The following ABCA4 variants were observed in gnomAD, a reference collection of about 807,000 sequenced individuals.
ABCA4 encodes the protein ATP binding cassette subfamily A member 4.
In ABCA4, 196 loss-of-function variants were observed where a neutral mutation model predicts 263.7. The observed-to-expected ratio is 0.74, with a 90% CI of 0.66 to 0.84. The LOEUF (loss-of-function observed/expected upper bound fraction) is 0.84. Among genes scored for constraint, ABCA4 ranks in the 40% least tolerant of loss-of-function variants. ABCA4 has a pLI of 0.00. For synonymous variants in ABCA4, 1,133 were observed against 1,094.2 expected (o/e 1.04, Z -0.70); for missense variants, 2,792 against 2,855.1 (o/e 0.98, Z 0.50).
Position 94,044,242 on chromosome 1 carries a change from TGCCTTTCAG to T in ABCA4, c.3050+362_3050+370del, listed in dbSNP as rs1056176825. The stretch of plus-strand genomic sequence containing the variant: ...TAACTGAAAAGCCCCCTGAAAAGTT[TGCCTTTCAG>T]GCCGTGGCTTCAACAGGAAAAAGGA... On this transcript the variant is annotated intron_variant, in intron 20 of 49. Coordinates refer to ENST00000370225, the MANE Select transcript of ABCA4 (RefSeq NM_000350.3). 1.4e-4 allele frequency among the ~76,000 whole-genome samples: 22 copies of T among 152,336 alleles called. No individual in the cohort carries two copies. The South Asian group carries it at 3.5e-3, about 24-fold the overall frequency.
intron 26 of ABCA4, among the ~76,000 whole-genome samples, chr1:94,034,364 G>GT (rs531251392): frequency 2.0e-5 from 3 of 151,808 alleles, no homozygotes; most frequent in African/African-American, 7.3e-5. Context: ...AGTTACTTTG[G>GT]TTTTTTTGTT....
At chr1:94,107,334 C>A (rs1889406) in intron 4 of ABCA4, among the ~76,000 whole-genome samples, 92,427 of 151,948 alleles carry the variant, frequency 0.61, 28,301 homozygotes, top group East Asian at 0.71. Context: ...CGCTCCACAC[C>A]CAAAGCTGCA....
intron 11 of ABCA4, among the ~76,000 whole-genome samples, chr1:94,073,735 C>T (rs1661466576): frequency 6.6e-6 from 1 of 152,112 alleles, no homozygotes; most frequent in African/African-American, 2.4e-5. Context: ...CCTGGGGCTG[C>T]ATTAGGAACA....
rs766029548 is a variant in ABCA4, at chr1:94,103,069, G to C, written c.516C>G (p.Gly172=). 77 of 1,614,066 alleles carry C rather than the reference G, an allele frequency of 4.8e-5. No homozygotes were observed. The highest frequency in any genetic ancestry group is 6.7e-5 in the Admixed American group (4 of 59,998). The change falls in exon 5 of 50, where the codon GGC becomes GGG. Residue 172 remains glycine, a synonymous_variant. Transcript: ENST00000370225. ...TLTLFLIKNI[G]LSDSVVYLLI... is the part of the protein sequence containing the mutation. ...GAAGGTAGACCACTGAGTCAGACAG[G>C]CCGATGTTTTTAATGAGAAATAGTG...
intron 1 of ABCA4, among the ~76,000 whole-genome samples, chr1:94,117,241 G>A (rs1662816458): frequency 6.6e-6 from 1 of 151,996 alleles, no homozygotes. Flanking sequence ...AGGCAGCCAA[G>A]GCCTAAAATG....
chr1:94,116,828 TG>T (rs1200403467), intron 1 of ABCA4, among the ~76,000 whole-genome samples: 2 of 152,302 alleles, frequency 1.3e-5, no homozygotes, highest in Non-Finnish European at 2.9e-5. Flanking sequence ...CCTTTACACA[TG>T]TCTGTAACTT....
intron 29 of ABCA4, 56 bp downstream of exon 29, chr1:94,030,372 G>A (rs1284398290): frequency 3.0e-5 from 46 of 1,523,952 alleles, no homozygotes; most frequent in East Asian, 1.1e-4. Context: ...TGAACCCACC[G>A]TTGGGTCCTC....
chr1:94,013,663 T>C (rs1659637804), intron 38 of ABCA4, among the ~76,000 whole-genome samples: 1 of 152,160 alleles, frequency 6.6e-6, no homozygotes, highest in South Asian at 2.1e-4. Context: ...TCCCCCTCTT[T>C]TTATGATTCA....
At chr1:94,032,304 T>C (rs1017171206) in intron 26 of ABCA4, among the ~76,000 whole-genome samples, 1 of 152,148 alleles carries the variant, frequency 6.6e-6, no homozygotes, top group African/African-American at 2.4e-5. Context: ...CTAAAAGCAT[T>C]GACATGGAGA....
At chr1:94,078,859 G>A (rs1661609491) in intron 9 of ABCA4, among the ~76,000 whole-genome samples, 153 bp from the exon 10 acceptor site, 1 of 152,046 alleles carries the variant, frequency 6.6e-6, no homozygotes, top group Admixed American at 6.5e-5. Context: ...CTATTTCCCA[G>A]AACAATTCAC....
Position 94,103,105 on chromosome 1 carries a change from T to C in ABCA4, c.480A>G (p.Glu160=). ...TAATGAGAAATAGTGTCAGTGTTTCTTCATCTTTCAAGATATCCCTTATTC... is the reference window on the plus strand; with the variant it reads ...TAATGAGAAATAGTGTCAGTGTTTCCTCATCTTTCAAGATATCCCTTATTC... ...GIRIRDILKD[E]ETLTLFLIKN... Residue 160 remains glutamate, a synonymous_variant, in exon 5 of 50, where the codon GAA becomes GAG. Coordinates refer to ENST00000370225, the MANE Select transcript of ABCA4 (RefSeq NM_000350.3). 1 of 1,614,160 alleles carries C rather than the reference T, an allele frequency of 6.2e-7. No individual in the cohort carries two copies. The highest frequency in any genetic ancestry group is 8.5e-7 in the Non-Finnish European group (1 of 1,179,996).
intron 11 of ABCA4, among the ~76,000 whole-genome samples, chr1:94,066,240 G>A (rs987343232): frequency 3.3e-5 from 5 of 152,196 alleles, no homozygotes; most frequent in African/African-American, 9.6e-5. Context: ...TGAGGACAAA[G>A]GATTGACAGT....
At chr1:94,011,142 G>T in intron 39 of ABCA4, 120 bp downstream of exon 39, 1 of 1,577,210 alleles carries the variant, frequency 6.3e-7, no homozygotes, top group Non-Finnish European at 8.7e-7. Context: ...GACACCTCCA[G>T]CCCAACAAGG....
chr1:94,028,808 G>C (rs562303559), intron 30 of ABCA4, among the ~76,000 whole-genome samples: 11 of 149,900 alleles, frequency 7.3e-5, no homozygotes, highest in African/African-American at 2.2e-4. Context: ...TACTCGGGGG[G>C]GCTGAGGCAC....
intron 30 of ABCA4, among the ~76,000 whole-genome samples, chr1:94,026,961 A>T (rs74102080): frequency 0.047 from 7,047 of 150,722 alleles, 529 homozygotes; most frequent in African/African-American, 0.16. Context: ...AGAGAAAGAT[A>T]GAGAGAGAAT....
At chr1:94,102,905 G>A in intron 5 of ABCA4, 110 bp downstream of exon 5, 1 of 1,473,726 alleles carries the variant, frequency 6.8e-7, no homozygotes, top group Non-Finnish European at 9.4e-7. Context: ...GATGGATTCT[G>A]AATGTGAACA....
At chr1:94,073,940 T>C (rs917688369) in intron 11 of ABCA4, among the ~76,000 whole-genome samples, 10 of 152,288 alleles carry the variant, frequency 6.6e-5, no homozygotes, top group Admixed American at 6.5e-4. Flanking sequence ...GCTTATGTTA[T>C]AACAGCAGTG....
chr1:94,085,153 A>C (rs1386347660), intron 6 of ABCA4, among the ~76,000 whole-genome samples: 2 of 141,252 alleles, frequency 1.4e-5, no homozygotes, highest in Non-Finnish European at 3.3e-5. Flanking sequence ...GATTTTGTTA[A>C]AACAAGTTCT....
At position 94,008,261 on chromosome 1, in the gene ABCA4, G is replaced by A. The variant is rs916003424; in HGVS notation, c.5872C>T (p.Leu1958=). 6 of 1,614,142 alleles carry A rather than the reference G, an allele frequency of 3.7e-6. No homozygotes were observed. Among genetic ancestry groups the A allele is most frequent in the Non-Finnish European group, 5.1e-6 (6 of 1,180,036 alleles). Residue 1958 remains leucine, a synonymous_variant, in exon 42 of 50, where the codon CTG becomes TTG. Transcript: ENST00000370225. ...TCTCCAGGGCGAACTCCGACACACA[G>A]CCTGTCCACTGCTGGGCTGGAGGTG... is the stretch of plus-strand genomic sequence containing the variant. ...PGTSSPAVDR[L]CVGVRPGECF... is the part of the protein sequence containing the mutation.
Sources: allele counts gnomAD v4.1 joint callset (sites outside exome capture counted in the v4.1 genomes callset), GRCh38; gene constraint gnomAD v4.1.1; transcripts MANE v1.5; gene names NCBI Gene and HGNC (gene_info 2026-07-23, HGNC 2026-07-21).